Variants in NUP210L observed in about 807,000 individuals in gnomAD.
NUP210L encodes the protein nuclear pore membrane glycoprotein 210-like.
NUP210L carries 74 observed loss-of-function variants against 208.5 expected under a neutral mutation model. The ratio of observed to expected loss-of-function variants is 0.35; its 90% CI spans 0.29 to 0.43. The LOEUF (loss-of-function observed/expected upper bound fraction) is 0.43. NUP210L is among the 20% of genes least tolerant of loss of function. The pLI is 1.00. For missense variants in NUP210L, 1,843 were observed against 2,289.4 expected (o/e 0.81, Z 3.98); for synonymous variants, 780 against 816.9 (o/e 0.95, Z 0.77).
chr1:154,118,676 C>T lies in NUP210L; in HGVS notation c.1459G>A (p.Val487Ile), dbSNP rs780919584. ...AGCCTTATAGGACACCATACCTGTACTTTATAACGATATAACATTCCCATA... is the reference window on the plus strand; with the variant it reads ...AGCCTTATAGGACACCATACCTGTATTTTATAACGATATAACATTCCCATA... Residue 487 changes from valine (V) to isoleucine (I), a missense_variant, in exon 11 of 40, where the codon GTA (valine) becomes ATA (isoleucine). This residue lies in a region of NUP210L where 542 missense variants were observed against 606.4 expected (regional missense o/e 0.89). Coordinates refer to ENST00000368559, the Ensembl canonical transcript of NUP210L. 10 of 1,590,876 alleles carry T rather than the reference C, an allele frequency of 6.3e-6. No homozygotes were observed. The Admixed American group carries it at 1.4e-4, about 22-fold the overall frequency.
chr1:154,003,161 C>T (rs1326147087), intron 35 of NUP210L, among the ~76,000 whole-genome samples: 3 of 151,686 alleles, frequency 2.0e-5, no homozygotes, highest in Non-Finnish European at 4.4e-5. Flanking sequence ...CAGGCATGTG[C>T]CACCATGCCT....
At chr1:154,054,931 T>G in intron 23 of NUP210L, 99 bp from the exon 24 acceptor site, 1 of 769,598 alleles carries the variant, frequency 1.3e-6, no homozygotes, top group South Asian at 1.6e-5. Context: ...GACAGAGTCT[T>G]GCTCTGTTGC....
chr1:154,115,505 A>G lies in NUP210L; in HGVS notation c.1620+2220T>C, dbSNP rs570058749. 1.4e-4 allele frequency among the ~76,000 whole-genome samples: 21 copies of G among 152,318 alleles called. 1 individual carries two copies. The highest frequency in any genetic ancestry group is 2.6e-4 in the Admixed American group (4 of 15,290). ...TTTTATTCCATCCTCCAAAAGTCTTATTGAAGTTCCCACCTCTTTCATAAT... is the reference window on the plus strand; with the variant it reads ...TTTTATTCCATCCTCCAAAAGTCTTGTTGAAGTTCCCACCTCTTTCATAAT... On this transcript the variant is annotated intron_variant, in intron 12 of 39. Coordinates refer to ENST00000368559, the Ensembl canonical transcript of NUP210L.
At chr1:154,076,475 G>C (rs1364741802) in intron 16 of NUP210L, among the ~76,000 whole-genome samples, 6 of 152,234 alleles carry the variant, frequency 3.9e-5, no homozygotes, top group Non-Finnish European at 8.8e-5. Flanking sequence ...AAATACAAAA[G>C]TGCTATCACA....
chr1:154,096,000 G>T (rs892003548), intron 14 of NUP210L, among the ~76,000 whole-genome samples: 4 of 152,100 alleles, frequency 2.6e-5, no homozygotes, highest in African/African-American at 9.7e-5. Flanking sequence ...GAATGTGCAG[G>T]TTTGTTACCT....
chr1:154,084,778 C>A (rs1233606039), intron 16 of NUP210L, among the ~76,000 whole-genome samples: 1 of 140,502 alleles, frequency 7.1e-6, no homozygotes, highest in Non-Finnish European at 1.6e-5. Flanking sequence ...CAGCTGGGAC[C>A]CATATTTCTT....
At chr1:154,149,099 T>C (rs1659259122) in intron 2 of NUP210L, among the ~76,000 whole-genome samples, 1 of 150,578 alleles carries the variant, frequency 6.6e-6, no homozygotes, top group South Asian at 2.1e-4. Flanking sequence ...TTTTTTTTTT[T>C]CCTGAGAAGG....
intron 2 of NUP210L, among the ~76,000 whole-genome samples, chr1:154,149,301 G>A (rs2148159235): frequency 6.6e-6 from 1 of 152,150 alleles, no homozygotes; most frequent in South Asian, 2.1e-4. Flanking sequence ...GGCCAGGCTG[G>A]TCTCGACCTC....
chr1:154,133,083 A>G (rs771602743), intron 7 of NUP210L, among the ~76,000 whole-genome samples: 3 of 152,056 alleles, frequency 2.0e-5, no homozygotes, highest in Non-Finnish European at 2.9e-5. Flanking sequence ...TACTTCTACT[A>G]TTTCCTGATT....
intron 10 of NUP210L, among the ~76,000 whole-genome samples, chr1:154,119,153 T>C (rs1188274545): frequency 6.6e-6 from 1 of 151,934 alleles, no homozygotes; most frequent in Non-Finnish European, 1.5e-5. Flanking sequence ...TGGACATCCA[T>C]AAACTGTAAA....
intron 17 of NUP210L, among the ~76,000 whole-genome samples, chr1:154,062,350 T>C (rs982975115): frequency 1.3e-5 from 2 of 152,148 alleles, no homozygotes; most frequent in Non-Finnish European, 2.9e-5. Context: ...GGATCTTTCA[T>C]CTTTCATTCT....
chr1:154,073,129 C>T (rs1279030463), intron 16 of NUP210L, among the ~76,000 whole-genome samples: 3 of 152,132 alleles, frequency 2.0e-5, no homozygotes, highest in Admixed American at 6.6e-5. Flanking sequence ...ACAGACAATT[C>T]TCAAAAGAAA....
intron 38 of NUP210L, among the ~76,000 whole-genome samples, chr1:153,993,567 G>GA (rs1211758853): frequency 0.013 from 1,550 of 122,712 alleles, 31 homozygotes; most frequent in African/African-American, 0.037. Flanking sequence ...CTCTGTCTCA[G>GA]AAAAAAAAAA....
At chr1:153,996,990 T>C (rs959492550) in intron 37 of NUP210L, among the ~76,000 whole-genome samples, 1 of 150,562 alleles carries the variant, frequency 6.6e-6, no homozygotes, top group African/African-American at 2.4e-5. Context: ...TGAGATGGAG[T>C]TTCACTCTTG....
chr1:154,142,165 AG>A (rs1258240924), intron 3 of NUP210L, among the ~76,000 whole-genome samples: 4 of 151,780 alleles, frequency 2.6e-5, no homozygotes, highest in African/African-American at 7.3e-5. Context: ...AAAAAAAAAA[AG>A]CTTCCAGAAT....
intron 15 of NUP210L, among the ~76,000 whole-genome samples, chr1:154,092,685 C>T (rs1655993845): frequency 6.6e-6 from 1 of 151,794 alleles, no homozygotes; most frequent in African/African-American, 2.4e-5. Flanking sequence ...CCACACCCAG[C>T]CAAGAGTTAT....
chr1:154,020,178 T>C (rs1482495424), intron 32 of NUP210L, among the ~76,000 whole-genome samples: 1 of 152,176 alleles, frequency 6.6e-6, no homozygotes, highest in Non-Finnish European at 1.5e-5. Context: ...GTCCAACATT[T>C]ACATCACTTT....
chr1:154,054,467 C>A, intron 24 of NUP210L, 60 bp from the exon 25 acceptor site: 1 of 1,546,426 alleles, frequency 6.5e-7, no homozygotes, highest in Non-Finnish European at 8.9e-7. Flanking sequence ...TGTCTCTTTT[C>A]CCAACATTTT....
chr1:153,999,910 G>A (rs1650111833), intron 37 of NUP210L, among the ~76,000 whole-genome samples: 1 of 150,354 alleles, frequency 6.7e-6, no homozygotes, highest in South Asian at 2.1e-4. Flanking sequence ...CTGCAGCCTT[G>A]AACTCCTGGT....
Sources: gnomAD v4.1 joint callset for allele counts (sites outside exome capture counted in the v4.1 genomes callset) on GRCh38, gnomAD v4.1.1 for gene constraint, gnomAD v4.1.1 regional missense constraint, MANE v1.5 for transcripts, NCBI Gene and HGNC (gene_info 2026-07-23, HGNC 2026-07-21) for gene names.